Variants in RBFOX2 observed in about 807,000 individuals in gnomAD.
The protein encoded by RBFOX2 is RNA binding fox-1 homolog 2, also known as RNA binding protein fox-1 homolog 2.
A neutral mutation model predicts 49.1 loss-of-function variants in RBFOX2; 10 were observed. The ratio of observed to expected loss-of-function variants is 0.20; its 90% CI spans 0.13 to 0.35. The LOEUF (loss-of-function observed/expected upper bound fraction) is 0.35. Ranked by LOEUF, RBFOX2 falls within the 10% of genes least tolerant of loss-of-function variation. RBFOX2 has a pLI of 1.00. For synonymous variants in RBFOX2, 183 were observed against 187.4 expected (o/e 0.98, Z 0.19); for missense variants, 323 against 486.9 (o/e 0.66, Z 3.17).
At chr22:35,809,446 A>G (rs1951407394) in intron 2 of RBFOX2, among the ~76,000 whole-genome samples, 1 of 152,200 alleles carries the variant, frequency 6.6e-6, no homozygotes, top group Admixed American at 6.5e-5. Context: ...GTTTGGTAGT[A>G]TAATTATGCA....
At chr22:35,760,347 T>C (rs369014959) in intron 8 of RBFOX2, among the ~76,000 whole-genome samples, 1 of 152,180 alleles carries the variant, frequency 6.6e-6, no homozygotes, top group Admixed American at 6.5e-5. Flanking sequence ...ATGACTGCCA[T>C]AATAAGAGAC....
At chr22:35,893,776 A>G (rs868543972) in intron 1 of RBFOX2, among the ~76,000 whole-genome samples, 1 of 152,172 alleles carries the variant, frequency 6.6e-6, no homozygotes, top group Non-Finnish European at 1.5e-5. Flanking sequence ...CGCAGTTAAC[A>G]TTTGCTTTCT....
At chr22:35,770,210 A>G (rs984625780) in intron 4 of RBFOX2, among the ~76,000 whole-genome samples, 9 of 152,186 alleles carry the variant, frequency 5.9e-5, no homozygotes, top group African/African-American at 1.7e-4. Flanking sequence ...CTCCAATAGG[A>G]AAGTCAAACT....
chr22:35,783,175 C>T (rs1395789474), intron 2 of RBFOX2, among the ~76,000 whole-genome samples: 1 of 152,134 alleles, frequency 6.6e-6, no homozygotes, highest in Non-Finnish European at 1.5e-5. Context: ...TCCTCAGCAC[C>T]ATTCCACAAG....
chr22:36,007,922 T>C (rs1418933855), intron 1 of RBFOX2, among the ~76,000 whole-genome samples: 6 of 152,240 alleles, frequency 3.9e-5, no homozygotes, highest in Non-Finnish European at 8.8e-5. Flanking sequence ...TTATTTTATT[T>C]AGCAGATTTC....
chr22:35,765,772 G>C (rs563158005), intron 5 of RBFOX2, among the ~76,000 whole-genome samples: 1 of 152,152 alleles, frequency 6.6e-6, no homozygotes, highest in East Asian at 1.9e-4. Flanking sequence ...AGAAATCTCT[G>C]CACTAAGGAA....
At chr22:35,743,973 ATGCAC>A in exon 12 of RBFOX2, 1 of 408,096 alleles carries the variant, frequency 2.5e-6, no homozygotes. Context: ...AAAGAAAAAA[ATGCAC>A]AATCTTTGGA....
chr22:35,750,584 C>T (rs1439080715), intron 9 of RBFOX2: 7 of 633,336 alleles, frequency 1.1e-5, no homozygotes, highest in East Asian at 2.7e-5. Flanking sequence ...CTTGGCTAAG[C>T]TTGATTCAGA....
At chr22:35,769,756 T>C (rs906787035) in intron 4 of RBFOX2, among the ~76,000 whole-genome samples, 3 of 152,178 alleles carry the variant, frequency 2.0e-5, no homozygotes, top group Admixed American at 1.3e-4. Flanking sequence ...TGTTCTTAAC[T>C]GACACGGTAA....
At position 35,759,373 on chromosome 22, in the gene RBFOX2, G is replaced by A. The variant is rs1311526934; in HGVS notation, c.887+515C>T. On this transcript the variant is annotated intron_variant, in intron 9 of 11. Transcript: ENST00000405409. This position sits in a 1 kb window ranked among gnomAD's most constrained non-coding sequence, Gnocchi z 4.6. Reference sequence around the variant, plus strand: ...TCTTAGAATTAACCTCTTTTAATCCGTTTCCTACAAAGAAAGCAAATCCAT... The same window carrying A: ...TCTTAGAATTAACCTCTTTTAATCCATTTCCTACAAAGAAAGCAAATCCAT... 1.3e-5 allele frequency among the ~76,000 whole-genome samples: 2 copies of A among 152,072 alleles called. No individual in the cohort carries two copies. The highest frequency in any genetic ancestry group is 2.4e-5 in the African/African-American group (1 of 41,402).
At chr22:35,961,019 C>T (rs2056142506) in intron 1 of RBFOX2, among the ~76,000 whole-genome samples, 1 of 151,976 alleles carries the variant, frequency 6.6e-6, no homozygotes, top group Admixed American at 6.6e-5. Context: ...CCTTCACTAT[C>T]AGCACAAACA....
At chr22:35,898,438 T>A in intron 1 of RBFOX2, 1 of 459,630 alleles carries the variant, frequency 2.2e-6, no homozygotes, top group Non-Finnish European at 4.0e-6. Flanking sequence ...TTTTTTTTTT[T>A]TTTCTGAGAC....
chr22:35,910,093 A>G (rs1329991566), intron 1 of RBFOX2, among the ~76,000 whole-genome samples: 1 of 152,200 alleles, frequency 6.6e-6, no homozygotes. Flanking sequence ...TTTTATACTT[A>G]AAATGATTTA....
intron 1 of RBFOX2, among the ~76,000 whole-genome samples, chr22:35,916,320 T>G (rs1246178702): frequency 1.3e-5 from 2 of 152,196 alleles, no homozygotes; most frequent in Admixed American, 1.3e-4. Flanking sequence ...CTCACTCTGT[T>G]GCTCAGGCTG....
intron 1 of RBFOX2, among the ~76,000 whole-genome samples, chr22:35,834,492 A>G (rs904606756): frequency 3.3e-5 from 5 of 152,192 alleles, no homozygotes; most frequent in Non-Finnish European, 5.9e-5. Context: ...AAACAAACAT[A>G]TAACAATCAA....
intron 1 of RBFOX2, among the ~76,000 whole-genome samples, chr22:36,001,324 T>A (rs924310233): frequency 6.6e-6 from 1 of 151,392 alleles, no homozygotes; most frequent in Non-Finnish European, 1.5e-5. Context: ...GCAACATGAA[T>A]GACAAACACT....
At chr22:35,804,962 CTAA>C (rs903297372) in intron 2 of RBFOX2, among the ~76,000 whole-genome samples, 2 of 152,024 alleles carry the variant, frequency 1.3e-5, no homozygotes, top group African/African-American at 4.8e-5. Flanking sequence ...ATTCTAAAAT[CTAA>C]TAATAAGAAA....
intron 1 of RBFOX2, among the ~76,000 whole-genome samples, chr22:35,910,372 C>T (rs1027776933): frequency 6.6e-6 from 1 of 152,108 alleles, no homozygotes; most frequent in Admixed American, 6.6e-5. Flanking sequence ...TTAATAGATG[C>T]TTTTTTACAA....
intron 1 of RBFOX2, among the ~76,000 whole-genome samples, chr22:35,925,410 G>C (rs1428789536): frequency 6.6e-6 from 1 of 152,020 alleles, no homozygotes; most frequent in Admixed American, 6.6e-5. Context: ...CATGCCTGTA[G>C]TTCCAGCTAC....
Sources: gnomAD v4.1 joint callset for allele counts (sites outside exome capture counted in the v4.1 genomes callset) on GRCh38, gnomAD v4.1.1 for gene constraint, Gnocchi (gnomAD v3.1) non-coding constraint, MANE v1.5 for transcripts, NCBI Gene and HGNC (gene_info 2026-07-23, HGNC 2026-07-21) for gene names.